ZNF226: variants seen among roughly 807,000 people sequenced by gnomAD.
ZNF226 encodes Kruppel-associated box protein.
Under a neutral mutation model 11.4 loss-of-function variants are expected in ZNF226, and 6 were observed. The observed-to-expected ratio is 0.53, with a 90% CI of 0.29 to 1.04. The LOEUF (loss-of-function observed/expected upper bound fraction) is 1.04, where lower values mean the gene tolerates loss of function less well. Ranked by LOEUF, ZNF226 falls within the 50% of genes least tolerant of loss-of-function variation. The pLI is 0.08. For missense variants in ZNF226, 1,058 were observed against 956.5 expected, an observed-to-expected ratio of 1.11 and a Z score of -1.40; for synonymous variants, 350 against 322.8, an observed-to-expected ratio of 1.08 and a Z score of -0.90.
chr19:44,180,567 G>A (rs148888405), downstream of ZNF226, among the ~76,000 whole-genome samples: 26 of 152,280 alleles, frequency 1.7e-4, no homozygotes, highest in East Asian at 5.0e-3. Flanking sequence ...ACTACCCCCT[G>A]TGGGCCCAAT....
At chr19:44,199,045 C>T in the ZNF226 span, among the ~76,000 whole-genome samples, 2 of 152,002 alleles carry the variant, frequency 1.3e-5, no homozygotes, top group Non-Finnish European at 2.9e-5. Flanking sequence ...TCAGGTGATC[C>T]GCCCGCCTTG....
intron 3 of ZNF226, 147 bp downstream of exon 3, chr19:44,170,242 G>T: frequency 1.4e-6 from 1 of 695,390 alleles, no homozygotes; most frequent in Non-Finnish European, 2.2e-6. Context: ...TTTGAGTTTA[G>T]CTGGTTTTGG....
chr19:44,182,843 T>C (rs1320969768), downstream of ZNF226, among the ~76,000 whole-genome samples: 2 of 152,144 alleles, frequency 1.3e-5, no homozygotes, highest in Non-Finnish European at 2.9e-5. Flanking sequence ...TGTTCATAGA[T>C]TGTGGTGTCC....
downstream of ZNF226, among the ~76,000 whole-genome samples, chr19:44,183,320 C>T (rs77027786): frequency 0.098 from 14,963 of 152,098 alleles, 1,766 homozygotes; most frequent in African/African-American, 0.26. Context: ...GAGCCCTGAA[C>T]TCATCCTCTG....
intron 2 of ZNF226, among the ~76,000 whole-genome samples, chr19:44,166,208 T>TA (rs1345762103): frequency 2.0e-5 from 3 of 152,138 alleles, no homozygotes; most frequent in Non-Finnish European, 4.4e-5. Context: ...CTATGACTTT[T>TA]AAAAAATAGT....
intron 4 of ZNF226, 188 bp downstream of exon 4, chr19:44,172,402 AC>A (rs1970206314): frequency 3.1e-6 from 2 of 640,572 alleles, no homozygotes; most frequent in Non-Finnish European, 2.5e-6. Flanking sequence ...TTATAGAAGA[AC>A]TGTAAATGAA....
At chr19:44,191,940 A>G in the ZNF226 span, among the ~76,000 whole-genome samples, 23 of 152,196 alleles carry the variant, frequency 1.5e-4, no homozygotes, top group African/African-American at 2.9e-4. Context: ...GCTTCTCCCT[A>G]TGGGAAACCC....
At chr19:44,174,571 G>C (rs1261724921) in intron 5 of ZNF226, 1 of 154,034 alleles carries the variant, frequency 6.5e-6, no homozygotes, top group Non-Finnish European at 1.4e-5. Context: ...TATGTCTTTA[G>C]AAGGCCTTTT....
At chr19:44,179,191 A>T (rs189760322), downstream of ZNF226, among the ~76,000 whole-genome samples, 8 of 152,208 alleles carry the variant, frequency 5.3e-5, no homozygotes, top group East Asian at 5.8e-4. Context: ...AAAAAAAATC[A>T]CATACCTTAA....
At chr19:44,199,396 T>C in the ZNF226 span, among the ~76,000 whole-genome samples, 4 of 152,164 alleles carry the variant, frequency 2.6e-5, no homozygotes, top group African/African-American at 9.7e-5. Context: ...GGCTGCCTTT[T>C]GTTCTTTACT....
chr19:44,176,905 T>A lies in ZNF226; in HGVS notation c.1643T>A (p.Ile548Asn). 6.2e-7 allele frequency: 1 copy of A among 1,613,478 alleles called. No homozygotes were observed. The highest frequency in any genetic ancestry group is 8.5e-7 in the Non-Finnish European group (1 of 1,179,832). ...TTCAGTCAAAGTTCGTATCTTCAAATCCATCAGAAGGCCCACAGTATAGAG... is the reference window on the plus strand; with the variant it reads ...TTCAGTCAAAGTTCGTATCTTCAAAACCATCAGAAGGCCCACAGTATAGAG... Reference protein sequence around the residue: ...KGFSQSSYLQIHQKAHSIEKP... With the variant: ...KGFSQSSYLQNHQKAHSIEKP... Residue 548 changes from isoleucine to asparagine, a missense_variant, in exon 6 of 6, where the codon ATC becomes AAC. Ile to Asn is a moderately radical substitution (Grantham distance 149, BLOSUM62 -3). Transcript: ENST00000337433.
At position 44,175,973 on chromosome 19, in the gene ZNF226, G is replaced by A; in HGVS notation, c.711G>A (p.Leu237=). 1 of 1,613,808 alleles carries A rather than the reference G, an allele frequency of 6.2e-7. No individual in the cohort carries two copies. Among genetic ancestry groups the A allele is most frequent in the Non-Finnish European group, 8.5e-7 (1 of 1,179,868 alleles). Residue 237 remains leucine, a synonymous_variant, in exon 6 of 6, where the codon TTG becomes TTA. Coordinates refer to ENST00000337433, the MANE Select transcript of ZNF226 (RefSeq NM_001032373.2). The part of the protein sequence containing the change: ...NDYEKDNMKI[L]TFDHNSMIHT... ...ATGAAAAAGACAACATGAAGATTTT[G>A]ACATTTGATCACAATAGCATGATTC...
chr19:44,172,023 C>T lies in ZNF226; in HGVS notation c.16-65C>T, dbSNP rs989435347. On this transcript the variant is annotated intron_variant, in intron 3 of 5. Coordinates refer to ENST00000337433, the MANE Select transcript of ZNF226 (RefSeq NM_001032373.2). ...CATCCAGAACAACTTTCCACCTGTT[C>T]TCAGTGTTACCCATCTTCTAGTGGA... The T allele has an allele frequency of 6.3e-6, 10 of 1,584,290 alleles. No individual in the cohort carries two copies. In the African/African-American group the frequency reaches 1.1e-4, roughly 17 times the overall value.
the ZNF226 span, among the ~76,000 whole-genome samples, chr19:44,185,790 C>T: frequency 6.6e-6 from 1 of 152,026 alleles, no homozygotes; most frequent in East Asian, 1.9e-4. Flanking sequence ...ATTTTTCTTT[C>T]CATTATCTGT....
In ZNF226 at chr19:44,177,219, G is replaced by C; in HGVS notation, c.1957G>C (p.Gly653Arg). The change falls in exon 6 of 6, where the codon GGT (glycine) becomes CGT (arginine). Residue 653 changes from glycine (G) to arginine (R), a missense_variant. By Grantham distance (125) the Gly-to-Arg change is moderately radical. Transcript: ENST00000337433. Reference protein sequence around the residue: ...FKCEECGKSFGRSAHLQAHQK... With the variant: ...FKCEECGKSFRRSAHLQAHQK... ...ATGTGAAGAATGTGGGAAGAGTTTC[G>C]GTCGGAGTGCACATCTTCAAGCCCA... The C allele has an allele frequency of 6.2e-7, 1 of 1,612,590 alleles. No individual in the cohort carries two copies. Among genetic ancestry groups the C allele is most frequent in the Non-Finnish European group, 8.5e-7 (1 of 1,179,610 alleles).
At chr19:44,198,379 A>G in the ZNF226 span, among the ~76,000 whole-genome samples, 1 of 152,220 alleles carries the variant, frequency 6.6e-6, no homozygotes, top group Admixed American at 6.5e-5. Flanking sequence ...TATTCAAAGG[A>G]GCACTGATAG....
At chr19:44,173,031 T>G in intron 5 of ZNF226, 79 bp downstream of exon 5, 1 of 1,330,084 alleles carries the variant, frequency 7.5e-7, no homozygotes, top group Non-Finnish European at 1.1e-6. Context: ...TGCCATCACC[T>G]GGTCCAAATT....
chr19:44,198,632 A>G, the ZNF226 span, among the ~76,000 whole-genome samples: 1 of 152,180 alleles, frequency 6.6e-6, no homozygotes, highest in East Asian at 1.9e-4. Flanking sequence ...TTGTGTTTTA[A>G]GGTCAATCCT....
rs1031320649 is a variant in ZNF226 at position 44,177,186 on chromosome 19, C to A, written c.1924C>A (p.Pro642Thr). Residue 642 changes from proline to threonine, a missense_variant, in exon 6 of 6, where the codon CCA (proline) becomes ACA (threonine). Physicochemically the swap from Pro to Thr is conservative, Grantham distance 38. Transcript: ENST00000337433. The part of the protein sequence containing the change: ...AHQRVHSGEK[P>T]FKCEECGKSF... The stretch of plus-strand genomic sequence containing the variant: ...TCAGAGAGTCCACAGTGGAGAAAAA[C>A]CATTCAAATGTGAAGAATGTGGGAA... 6.2e-7 allele frequency: 1 copy of A among 1,613,824 alleles called. No homozygotes were observed. Among genetic ancestry groups the A allele is most frequent in the Middle Eastern group, 1.6e-4 (1 of 6,062 alleles).
Sources: allele counts gnomAD v4.1 joint callset (sites outside exome capture counted in the v4.1 genomes callset), GRCh38; gene constraint gnomAD v4.1.1; transcripts MANE v1.5; gene names NCBI Gene and HGNC (gene_info 2026-07-23, HGNC 2026-07-21).